Variants in RFX3 observed in about 807,000 individuals in gnomAD.
The protein encoded by RFX3 is regulatory factor X3.
RFX3 carries 14 observed loss-of-function variants against 98.6 expected under a neutral mutation model. The ratio of observed to expected loss-of-function variants is 0.14; its 90% CI spans 0.09 to 0.22. The LOEUF (loss-of-function observed/expected upper bound fraction) is 0.22. Ranked by LOEUF, RFX3 falls within the 10% of genes least tolerant of loss-of-function variation. The pLI, the probability that RFX3 is intolerant of heterozygous loss-of-function variation, is 1.00. For synonymous variants in RFX3, 383 were observed against 328.4 expected (o/e 1.17, Z -1.80); for missense variants, 639 against 926.9 (o/e 0.69, Z 4.03).
At chr9:3,297,210 G>A (rs553619371) in intron 5 of RFX3, among the ~76,000 whole-genome samples, 2 of 151,966 alleles carry the variant, frequency 1.3e-5, no homozygotes, top group East Asian at 1.9e-4. Flanking sequence ...AATTTAGAAC[G>A]AAACAATTAT....
At chr9:3,372,478 C>T (rs1453022790) in intron 2 of RFX3, among the ~76,000 whole-genome samples, 1 of 152,096 alleles carries the variant, frequency 6.6e-6, no homozygotes. Context: ...TTCTTTAGTA[C>T]CCAAACTAAC....
At chr9:3,304,116 C>T (rs1189457778) in intron 4 of RFX3, among the ~76,000 whole-genome samples, 1 of 151,952 alleles carries the variant, frequency 6.6e-6, no homozygotes, top group Non-Finnish European at 1.5e-5. Context: ...CTTCCAAATA[C>T]TAAATACTCA....
intron 1 of RFX3, among the ~76,000 whole-genome samples, chr9:3,460,802 T>C (rs1216719076): frequency 1.3e-5 from 2 of 151,858 alleles, no homozygotes; most frequent in African/African-American, 4.8e-5. Flanking sequence ...TTTCTAAGTA[T>C]ACATGCTTCT....
rs78308008 is a variant in RFX3 at position 3,467,382 on chromosome 9, G to A, written c.-9+58365C>T. Among the ~76,000 whole-genome samples, 695 of 149,970 alleles carry A rather than the reference G, an allele frequency of 4.6e-3. 6 individuals carry two copies. Among genetic ancestry groups the A allele is most frequent in the African/African-American group, 0.016 (666 of 40,756 alleles). ...TCACTGAGCCAAGGCTTTCTTTCAA[G>A]GCATCAGGGTTTTTTGTCAGTCATA... On this transcript the variant is annotated intron_variant, in intron 1 of 16. Transcript: ENST00000617270.
chr9:3,367,233 A>G (rs940773329), intron 2 of RFX3, among the ~76,000 whole-genome samples: 1 of 152,164 alleles, frequency 6.6e-6, no homozygotes, highest in African/African-American at 2.4e-5. Flanking sequence ...GTCAGAGTCA[A>G]TACATAAGGC....
At chr9:3,387,801 C>T (rs1440656963) in intron 2 of RFX3, among the ~76,000 whole-genome samples, 2 of 151,994 alleles carry the variant, frequency 1.3e-5, no homozygotes, top group East Asian at 1.9e-4. Flanking sequence ...TTTGTTTCAG[C>T]TGATTATATG....
intron 2 of RFX3, among the ~76,000 whole-genome samples, chr9:3,354,521 A>G (rs904376953): frequency 2.0e-5 from 3 of 151,986 alleles, no homozygotes; most frequent in African/African-American, 4.8e-5. Flanking sequence ...AATGACTGAA[A>G]ACTTCTCAGT....
chr9:3,303,644 TG>T (rs202150136), intron 4 of RFX3, among the ~76,000 whole-genome samples: 1 of 147,900 alleles, frequency 6.8e-6, no homozygotes, highest in Non-Finnish European at 1.5e-5. Flanking sequence ...CTTCTTTTTC[TG>T]GGAAAAAAAA....
At chr9:3,249,986 C>G (rs760360536) in intron 14 of RFX3, among the ~76,000 whole-genome samples, 20 of 151,904 alleles carry the variant, frequency 1.3e-4, no homozygotes, top group Non-Finnish European at 2.5e-4. Flanking sequence ...TGCATGCCAA[C>G]ATATATGACA....
intron 1 of RFX3, among the ~76,000 whole-genome samples, chr9:3,512,982 G>A (rs1347603363): frequency 6.6e-6 from 1 of 151,928 alleles, no homozygotes; most frequent in Admixed American, 6.6e-5. Context: ...TAAAAAATAT[G>A]TCCACATAGC....
rs901635911 is a variant in RFX3, at chr9:3,315,543, T to A, written c.475-13923A>T. ...AAGATCAGAGCAGAACTGAAGGAGA[T>A]AGACACACAAAAAAACCCTTCAAAA... On this transcript the variant is annotated intron_variant, in intron 4 of 16. Coordinates refer to ENST00000617270, the MANE Select transcript of RFX3 (RefSeq NM_001282116.2). Among the ~76,000 whole-genome samples, 12 of 148,978 alleles carry A rather than the reference T, an allele frequency of 8.1e-5. No homozygotes were observed. In the East Asian group the frequency reaches 2.2e-3, roughly 27 times the overall value.
In RFX3 at chr9:3,219,119, T is replaced by C. The variant is rs1320696218; in HGVS notation, c.*5923A>G. The C allele has an allele frequency of 2.6e-5, 4 of 152,122 alleles. No individual in the cohort carries two copies. The highest frequency in any genetic ancestry group is 2.9e-5 in the Non-Finnish European group (2 of 68,016). 9.4% of individuals were successfully genotyped at this position (152,122 alleles called of 1,614,324 possible). A position where few individuals can be genotyped will look rare whatever the true frequency, so the allele number is the denominator to read the frequency against. On this transcript the variant is annotated 3_prime_UTR_variant, in exon 17 of 17. Transcript: ENST00000617270. ...CATTGGTCACCACCATAGGTCCAAA[T>C]TGATGATGGAAATGAGTAGAGAAAA...
chr9:3,289,375 CAGAT>C (rs1827041747), intron 6 of RFX3, among the ~76,000 whole-genome samples: 2 of 151,968 alleles, frequency 1.3e-5, no homozygotes, highest in South Asian at 4.2e-4. Flanking sequence ...CACAATAAAG[CAGAT>C]AGAGAAACTT....
At chr9:3,426,149 A>G (rs575654643) in intron 1 of RFX3, among the ~76,000 whole-genome samples, 18 of 152,272 alleles carry the variant, frequency 1.2e-4, no homozygotes, top group Non-Finnish European at 1.5e-4. Context: ...TTTAAGCACA[A>G]AAGACAGTTT....
In RFX3 at chr9:3,507,668, T is replaced by G. The variant is rs112372398; in HGVS notation, c.-9+18079A>C. ...CCCAACTCTCTTATATAAAATAGCATAGTATTTGTGTATAGCCTGTACACA... is the reference window on the plus strand; with the variant it reads ...CCCAACTCTCTTATATAAAATAGCAGAGTATTTGTGTATAGCCTGTACACA... On this transcript the variant is annotated intron_variant, in intron 1 of 16. Coordinates refer to ENST00000617270, the MANE Select transcript of RFX3 (RefSeq NM_001282116.2). 4.6e-5 allele frequency among the ~76,000 whole-genome samples: 7 copies of G among 152,082 alleles called. 1 individual carries two copies. The highest frequency in any genetic ancestry group is 1.3e-4 in the Admixed American group (2 of 15,216).
At chr9:3,304,107 T>G (rs1307738265) in intron 4 of RFX3, among the ~76,000 whole-genome samples, 1 of 151,974 alleles carries the variant, frequency 6.6e-6, no homozygotes, top group Non-Finnish European at 1.5e-5. Flanking sequence ...ACCCACGGGC[T>G]TCCAAATACT....
intron 7 of RFX3, among the ~76,000 whole-genome samples, chr9:3,287,594 T>G (rs1826794533): frequency 6.6e-6 from 1 of 151,962 alleles, no homozygotes; most frequent in African/African-American, 2.4e-5. Context: ...TATGATTCTA[T>G]TCATCCGTCC....
chr9:3,389,569 C>T (rs775705687), intron 2 of RFX3, among the ~76,000 whole-genome samples: 1 of 151,902 alleles, frequency 6.6e-6, no homozygotes, highest in Non-Finnish European at 1.5e-5. Flanking sequence ...GATTGAGTAT[C>T]CCTAATCTGA....
At chr9:3,359,639 G>A (rs904030604) in intron 2 of RFX3, among the ~76,000 whole-genome samples, 4 of 152,082 alleles carry the variant, frequency 2.6e-5, no homozygotes, top group East Asian at 1.9e-4. Context: ...AGTTCAGCAC[G>A]GGGAAAACAC....
Sources: gnomAD v4.1 joint callset for allele counts (sites outside exome capture counted in the v4.1 genomes callset) on GRCh38, gnomAD v4.1.1 for gene constraint, MANE v1.5 for transcripts, NCBI Gene and HGNC (gene_info 2026-07-23, HGNC 2026-07-21) for gene names.